The following SPATA17 variants were observed in gnomAD, a reference collection of about 807,000 sequenced individuals.
The protein encoded by SPATA17 is spermatogenesis-associated protein 17.
A neutral mutation model predicts 62.2 loss-of-function variants in SPATA17; 53 were observed. The observed-to-expected ratio is 0.85, with a 90% CI of 0.68 to 1.07. The LOEUF (loss-of-function observed/expected upper bound fraction) is 1.07. Ranked by LOEUF, SPATA17 falls within the 50% of genes least tolerant of loss-of-function variation. The pLI, the probability that SPATA17 is intolerant of heterozygous loss-of-function variation, is 0.00. For missense variants in SPATA17, 466 were observed against 425.5 expected, an observed-to-expected ratio of 1.10 and a Z score of -0.84; for synonymous variants, 146 against 146.8, an observed-to-expected ratio of 0.99 and a Z score of 0.04.
intron 10 of SPATA17, among the ~76,000 whole-genome samples, chr1:217,866,171 A>C (rs975618522): frequency 1.3e-5 from 2 of 152,166 alleles, no homozygotes; most frequent in African/African-American, 4.8e-5. Context: ...ATTTTAGTTT[A>C]ATAAGAAAAA....
chr1:217,670,123 G>C (rs780266161), intron 4 of SPATA17, among the ~76,000 whole-genome samples: 3 of 152,108 alleles, frequency 2.0e-5, no homozygotes, highest in Admixed American at 6.5e-5. Context: ...CTCTTTTAAA[G>C]GGAATACTTT....
In SPATA17 at chr1:217,774,377, C is replaced by T. The variant is rs1673537084; in HGVS notation, c.563C>T (p.Pro188Leu). Residue 188 changes from proline to leucine, a missense_variant, in exon 7 of 11, where the codon CCA becomes CTA. Transcript: ENST00000366933. The stretch of plus-strand genomic sequence containing the variant: ...TCACCCTTCAGAAAAGAGCCTGATC[C>T]ATGGGAGCTGCAATTACAGAAGGCA... ...YNSPFRKEPD[P>L]WELQLQKAKP... The T allele has an allele frequency of 1.2e-6, 2 of 1,613,968 alleles. No individual in the cohort carries two copies. Among genetic ancestry groups the T allele is most frequent in the Non-Finnish European group, 1.7e-6 (2 of 1,179,924 alleles).
intron 2 of SPATA17, among the ~76,000 whole-genome samples, chr1:217,649,967 T>C (rs1320996390): frequency 2.0e-5 from 3 of 149,760 alleles, no homozygotes; most frequent in South Asian, 2.1e-4. Flanking sequence ...GAAACGGAGT[T>C]TTGCTCTTGT....
intron 5 of SPATA17, among the ~76,000 whole-genome samples, chr1:217,715,761 T>G (rs1671988154): frequency 6.6e-6 from 1 of 152,162 alleles, no homozygotes; most frequent in Admixed American, 6.6e-5. Context: ...GATCTTAAAA[T>G]TCTCAGTTTC....
chr1:217,641,770 A>G (rs552713964), intron 1 of SPATA17, among the ~76,000 whole-genome samples: 1 of 152,140 alleles, frequency 6.6e-6, no homozygotes, highest in Non-Finnish European at 1.5e-5. Flanking sequence ...ACACACAAGG[A>G]CATTCTCTAT....
intron 5 of SPATA17, among the ~76,000 whole-genome samples, chr1:217,723,847 A>G (rs1672196811): frequency 6.6e-6 from 1 of 152,242 alleles, no homozygotes; most frequent in Admixed American, 6.5e-5. Context: ...GGAGTTAGAT[A>G]GATTTTCCCA....
chr1:217,762,091 G>A (rs1205745183), intron 6 of SPATA17, among the ~76,000 whole-genome samples: 2 of 151,962 alleles, frequency 1.3e-5, no homozygotes, highest in African/African-American at 4.8e-5. Context: ...GCTCTTTTGA[G>A]TGCCCTTCAT....
At chr1:217,852,938 C>T (rs556104084) in intron 9 of SPATA17, among the ~76,000 whole-genome samples, 275 of 152,250 alleles carry the variant, frequency 1.8e-3, no homozygotes, top group African/African-American at 6.4e-3. Flanking sequence ...CTTATGTTCA[C>T]AGCACTTATT....
Position 217,867,168 on chromosome 1 carries a change from G to A in SPATA17, c.*149G>A, listed in dbSNP as rs1484398753. On this transcript the variant is annotated 3_prime_UTR_variant, in exon 11 of 11. Coordinates refer to ENST00000366933, the MANE Select transcript of SPATA17 (RefSeq NM_138796.4). The stretch of plus-strand genomic sequence containing the variant: ...TAGCTCTAGTCATGAATTAATTATT[G>A]TGTGTATGTATTTGAAATCTCTTAG... 6.6e-6 allele frequency: 1 copy of A among 152,068 alleles called. No individual in the cohort carries two copies. Among genetic ancestry groups the A allele is most frequent in the East Asian group, 1.9e-4 (1 of 5,178 alleles). The allele number at this position is 152,068 out of a possible 1,614,324, so 9.4% of individuals were successfully genotyped here. A position where few individuals can be genotyped will look rare whatever the true frequency, so the allele number is the denominator to read the frequency against.
intron 5 of SPATA17, among the ~76,000 whole-genome samples, chr1:217,735,340 T>A (rs1672488156): frequency 6.6e-6 from 1 of 152,060 alleles, no homozygotes; most frequent in African/African-American, 2.4e-5. Context: ...AGTTAACTTC[T>A]CCTTGTGTCC....
intron 4 of SPATA17, among the ~76,000 whole-genome samples, chr1:217,670,953 GAAAAAAAA>G (rs71661748): frequency 2.3e-5 from 2 of 87,136 alleles, no homozygotes; most frequent in Non-Finnish European, 4.7e-5. Flanking sequence ...TCCGTCTCAG[GAAAAAAAA>G]AAAAAAAAAA....
chr1:217,848,478 A>G (rs1053213191), intron 9 of SPATA17, among the ~76,000 whole-genome samples: 13 of 152,160 alleles, frequency 8.5e-5, no homozygotes, highest in African/African-American at 3.1e-4. Context: ...AAATCAATAA[A>G]TGTTCCATGA....
intron 6 of SPATA17, among the ~76,000 whole-genome samples, chr1:217,757,308 G>A (rs1673070663): frequency 6.6e-6 from 1 of 152,142 alleles, no homozygotes; most frequent in Non-Finnish European, 1.5e-5. Context: ...AATGAAAGCT[G>A]AATTGGAAGT....
chr1:217,850,491 A>G (rs1211624899), intron 9 of SPATA17: 1 of 1,502,692 alleles, frequency 6.7e-7, no homozygotes, highest in Non-Finnish European at 9.2e-7. Flanking sequence ...TTCTAGCTGC[A>G]TGCCTGCAAA....
intron 4 of SPATA17, among the ~76,000 whole-genome samples, chr1:217,671,600 C>T (rs187495034): frequency 6.6e-6 from 1 of 152,236 alleles, no homozygotes; most frequent in East Asian, 1.9e-4. Flanking sequence ...CCTTTCTCTT[C>T]TCCTTCTGTC....
intron 1 of SPATA17, among the ~76,000 whole-genome samples, chr1:217,636,350 G>T (rs1669940341): frequency 6.6e-6 from 1 of 152,000 alleles, no homozygotes; most frequent in Admixed American, 6.6e-5. Context: ...AAGTGGTTAG[G>T]ACTAAGAGGA....
chr1:217,825,892 C>G lies in SPATA17; in HGVS notation c.1005+24042C>G, dbSNP rs568751857. On this transcript the variant is annotated intron_variant, in intron 9 of 10. Transcript: ENST00000366933. ...GTTTCTCAATAAAAATTGTAGTCTT[C>G]TTCATGTAGATTCTACACATTTGTT... 3.9e-5 allele frequency among the ~76,000 whole-genome samples: 6 copies of G among 152,074 alleles called. No individual in the cohort carries two copies. In the East Asian group the frequency reaches 1.2e-3, roughly 29 times the overall value.
At chr1:217,704,119 G>A (rs1349892338) in intron 5 of SPATA17, among the ~76,000 whole-genome samples, 2 of 150,626 alleles carry the variant, frequency 1.3e-5, no homozygotes, top group African/African-American at 2.4e-5. Flanking sequence ...TGCTGTATAG[G>A]CAAATTGCAT....
At chr1:217,752,852 C>T (rs951310624) in intron 6 of SPATA17, among the ~76,000 whole-genome samples, 2 of 152,104 alleles carry the variant, frequency 1.3e-5, no homozygotes, top group African/African-American at 2.4e-5. Flanking sequence ...CCTTCATTCA[C>T]AGTGCCTCCT....
Sources: allele counts gnomAD v4.1 joint callset (sites outside exome capture counted in the v4.1 genomes callset), GRCh38; gene constraint gnomAD v4.1.1; transcripts MANE v1.5; gene names NCBI Gene and HGNC (gene_info 2026-07-23, HGNC 2026-07-21).